TMPRSS9: variants seen among roughly 807,000 people sequenced by gnomAD.
The protein encoded by TMPRSS9 is transmembrane serine protease 9, also known as transmembrane protease serine 9.
TMPRSS9 carries 113 observed loss-of-function variants against 111.4 expected under a neutral mutation model. The observed-to-expected ratio is 1.01, with a 90% CI of 0.87 to 1.19. The LOEUF (loss-of-function observed/expected upper bound fraction) is 1.19. Ranked by LOEUF, TMPRSS9 falls within the 50% of genes most tolerant of loss-of-function variation. The pLI is 0.00. For synonymous variants in TMPRSS9, 805 were observed against 659.1 expected (o/e 1.22, Z -3.39); for missense variants, 1,803 against 1,513.1 (o/e 1.19, Z -3.18).
exon 4 of TMPRSS9, chr19:2,399,079 A>G (rs755342983): frequency 1.2e-6 from 2 of 1,613,560 alleles, no homozygotes; most frequent in Non-Finnish European, 1.7e-6. Flanking sequence ...ACCCCTCCAG[A>G]CGCTGAGCCT....
intron 1 of TMPRSS9, among the ~76,000 whole-genome samples, chr19:2,380,943 C>T (rs1970380791): frequency 1.3e-5 from 2 of 152,160 alleles, no homozygotes; most frequent in African/African-American, 2.4e-5. Context: ...TCCTTCCGAA[C>T]TTGAATAACT....
chr19:2,393,447 C>T lies in TMPRSS9; in HGVS notation c.143-3092C>T, dbSNP rs547208234. On this transcript the variant is annotated intron_variant, in intron 1 of 17. Coordinates refer to ENST00000648592, the Ensembl canonical transcript of TMPRSS9. ...AGAAGGAAGAAATTCCGAACACATC[C>T]GAACATCAGCAAGAACAAACTCCGG... 3.9e-5 allele frequency among the ~76,000 whole-genome samples: 6 copies of T among 152,228 alleles called. No individual in the cohort carries two copies. In the East Asian group the frequency reaches 5.8e-4, roughly 15 times the overall value.
intron 1 of TMPRSS9, among the ~76,000 whole-genome samples, chr19:2,381,791 G>T (rs1970388143): frequency 6.6e-6 from 1 of 152,106 alleles, no homozygotes; most frequent in African/African-American, 2.4e-5. Context: ...AAAACATTTA[G>T]CACCCTCGGA....
chr19:2,418,053 A>G, exon 13 of TMPRSS9: 1 of 1,612,322 alleles, frequency 6.2e-7, no homozygotes, highest in Non-Finnish European at 8.5e-7. Flanking sequence ...ATAGACCAGA[A>G]AACCTGTAGT....
At chr19:2,419,323 C>G (rs1354527909) in intron 13 of TMPRSS9, among the ~76,000 whole-genome samples, 1 of 149,616 alleles carries the variant, frequency 6.7e-6, no homozygotes, top group Non-Finnish European at 1.5e-5. Flanking sequence ...CCTGCCTCAG[C>G]CTCCCGAGTA....
chr19:2,413,053 G>A (rs1971130033), intron 9 of TMPRSS9, among the ~76,000 whole-genome samples: 2 of 152,016 alleles, frequency 1.3e-5, no homozygotes, highest in African/African-American at 4.8e-5. Context: ...AAATTAGCCG[G>A]GCGTGGTGAT....
intron 1 of TMPRSS9, among the ~76,000 whole-genome samples, chr19:2,369,873 T>G (rs1275437082): frequency 6.6e-6 from 1 of 152,108 alleles, no homozygotes; most frequent in East Asian, 1.9e-4. Context: ...CTGACAAGAC[T>G]GCAGTCAGAG....
chr19:2,384,981 C>CAAA (rs1340652495), upstream of TMPRSS9, among the ~76,000 whole-genome samples: 805 of 99,304 alleles, frequency 8.1e-3, 14 homozygotes, highest in African/African-American at 0.028. Context: ...AACTCCATCT[C>CAAA]AAAAAAAAAA....
At chr19:2,389,046 A>G (rs2894565), upstream of TMPRSS9, among the ~76,000 whole-genome samples, 69,731 of 149,926 alleles carry the variant, frequency 0.47, 17,925 homozygotes, top group African/African-American at 0.67. Flanking sequence ...TCATCCTCAC[A>G]CAGCCGCCCA....
chr19:2,385,793 G>T (rs926728013), upstream of TMPRSS9, among the ~76,000 whole-genome samples: 6 of 152,154 alleles, frequency 3.9e-5, no homozygotes, highest in African/African-American at 1.4e-4. Context: ...AGAGGCTGCA[G>T]TGAGCTATGA....
chr19:2,402,244 A>T (rs866084671), intron 5 of TMPRSS9, among the ~76,000 whole-genome samples: 26 of 151,754 alleles, frequency 1.7e-4, no homozygotes, highest in Middle Eastern at 3.4e-3. Context: ...ATAATAATAA[A>T]AAAAGGCCAA....
chr19:2,418,318 C>CT (rs1432092583), intron 13 of TMPRSS9, among the ~76,000 whole-genome samples, 180 bp downstream of exon 14: 2 of 47,506 alleles, frequency 4.2e-5, no homozygotes, highest in Admixed American at 1.8e-4. Context: ...TCCCTCCCTC[C>CT]CTCCCTCCCT....
At chr19:2,400,975 T>TA (rs58186638) in intron 4 of TMPRSS9, among the ~76,000 whole-genome samples, 24,615 of 124,680 alleles carry the variant, frequency 0.2, 4,156 homozygotes, top group African/African-American at 0.47. Context: ...GACTCTGTCT[T>TA]AAAAAAAAAA....
At chr19:2,425,831 G>GAAGTCA in intron 17 of TMPRSS9, 96 bp from the exon 19 acceptor site, 1 of 1,448,278 alleles carries the variant, frequency 6.9e-7, no homozygotes, top group Non-Finnish European at 9.1e-7. Context: ...GCTCCCAGGG[G>GAAGTCA]AAGTCACTAG....
At chr19:2,394,172 C>T (rs1256795994) in intron 1 of TMPRSS9, among the ~76,000 whole-genome samples, 1 of 151,874 alleles carries the variant, frequency 6.6e-6, no homozygotes, top group East Asian at 1.9e-4. Context: ...CACTGCATCC[C>T]AGCCTGGCAA....
chr19:2,379,628 T>TCTTTCTTTCTTTC lies in TMPRSS9; in HGVS notation c.-25-10132_-25-10120dup, dbSNP rs1491406690. ...CTAACTTTCTTTCTCTTTCTTTCTT[T>TCTTTCTTTCTTTC]CTTTCTTTCTTTCTTTCTTTCTTTC... On this transcript the variant is annotated intron_variant, in intron 1 of 17. Transcript: ENST00000649857. 3.6e-5 allele frequency among the ~76,000 whole-genome samples: 5 copies of TCTTTCTTTCTTTC among 139,454 alleles called. No homozygotes were observed. The South Asian group carries it at 6.8e-4, about 19-fold the overall frequency. The allele number at this position is 139,454 out of a possible 152,430, so 91.5% of individuals were successfully genotyped here.
chr19:2,391,395 A>AGTT (rs1970592262), intron 1 of TMPRSS9, among the ~76,000 whole-genome samples: 1 of 145,424 alleles, frequency 6.9e-6, no homozygotes, highest in Non-Finnish European at 1.5e-5. Context: ...TTTTTAAAAA[A>AGTT]TATTTGTGGA....
chr19:2,415,823 C>T, exon 11 of TMPRSS9: 3 of 1,596,870 alleles, frequency 1.9e-6, no homozygotes, highest in Non-Finnish European at 2.6e-6. Flanking sequence ...CTGCTGTCTG[C>T]CGCCCACTGC....
chr19:2,422,040 A>G, exon 14 of TMPRSS9: 1 of 1,612,546 alleles, frequency 6.2e-7, no homozygotes, highest in South Asian at 1.1e-5. Flanking sequence ...TCCCCCCTCG[A>G]CCACAAGGAT....
Sources: allele counts gnomAD v4.1 joint callset (sites outside exome capture counted in the v4.1 genomes callset), GRCh38; gene constraint gnomAD v4.1.1; transcripts MANE v1.5; gene names NCBI Gene and HGNC (gene_info 2026-07-23, HGNC 2026-07-21).